Variants in ZBTB25 observed in about 807,000 individuals in gnomAD.
ZBTB25 encodes the protein zinc finger and BTB domain-containing protein 25.
A neutral mutation model predicts 34.2 loss-of-function variants in ZBTB25; 20 were observed. That is an observed-to-expected ratio of 0.58 (90% CI 0.41 to 0.85). The LOEUF (loss-of-function observed/expected upper bound fraction) is 0.85, where lower values mean the gene tolerates loss of function less well. ZBTB25 is among the 40% of genes least tolerant of loss of function. The pLI, the probability that ZBTB25 is intolerant of heterozygous loss-of-function variation, is 0.00. For synonymous variants in ZBTB25, 175 were observed against 186.4 expected, an observed-to-expected ratio of 0.94 and a Z score of 0.50; for missense variants, 437 against 521.8, an observed-to-expected ratio of 0.84 and a Z score of 1.58.
rs553810622 is a variant in ZBTB25 at position 64,486,694 on chromosome 14, T to C, written c.*229A>G. On this transcript the variant is annotated 3_prime_UTR_variant, in exon 3 of 3. Coordinates refer to ENST00000608382, the MANE Select transcript of ZBTB25 (RefSeq NM_006977.5). ...TCTACATTGATTTCTGATTTCTAAA[T>C]TGTTATTTCGTTTGTGAAAAGTTCA... The C allele has an allele frequency of 8.5e-7, 1 of 1,174,856 alleles. No homozygotes were observed. The highest frequency in any genetic ancestry group is 1.6e-5 in the African/African-American group (1 of 63,342). The allele number at this position is 1,174,856 out of a possible 1,614,324, so 72.8% of individuals were successfully genotyped here.
chr14:64,487,624 T>C lies in ZBTB25; in HGVS notation c.607A>G (p.Ile203Val). Residue 203 changes from isoleucine to valine, a missense_variant, in exon 3 of 3, where the codon ATC (isoleucine) becomes GTC (valine). Ile to Val is a conservative substitution (Grantham distance 29). Transcript: ENST00000608382. ...TCTGGGTCACATCTCTCCTGCTTGA[T>C]GGAAACTGGGGGCTTCTGGTGCTCC... ...LEEHQKPPVS[I>V]KQERCDPESV... 6.2e-7 allele frequency: 1 copy of C among 1,606,036 alleles called. No individual in the cohort carries two copies. The highest frequency in any genetic ancestry group is 8.5e-7 in the Non-Finnish European group (1 of 1,176,046).
At chr14:64,489,697 G>A (rs1566604035) in intron 2 of ZBTB25, among the ~76,000 whole-genome samples, 2 of 151,296 alleles carry the variant, frequency 1.3e-5, no homozygotes, top group Non-Finnish European at 3.0e-5. Context: ...CACCATGCCT[G>A]GCTAATTTTT....
At chr14:64,475,311 T>C (rs1382419112), downstream of ZBTB25, among the ~76,000 whole-genome samples, 2 of 151,908 alleles carry the variant, frequency 1.3e-5, no homozygotes, top group Admixed American at 6.6e-5. Context: ...TGGTGGCGGG[T>C]GCCTGTAGTC....
chr14:64,463,280 C>T (rs2140998867), intron 2 of ZBTB25: 1 of 137,306 alleles, frequency 7.3e-6, no homozygotes, highest in East Asian at 2.5e-4. Flanking sequence ...GAGTTCTAGT[C>T]ATATCCTAAA....
chr14:64,502,589 A>C lies in ZBTB25; in HGVS notation c.-8+1072T>G, dbSNP rs1038065326. 4.1e-6 allele frequency: 4 copies of C among 974,814 alleles called. No individual in the cohort carries two copies. The African/African-American group carries it at 7.0e-5, about 17-fold the overall frequency. 60.4% of individuals were successfully genotyped at this position (974,814 alleles called of 1,614,324 possible). A position where few individuals can be genotyped will look rare whatever the true frequency, so the allele number is the denominator to read the frequency against. ...CCTACCTCACCTAGAAATACCATCAAACCCACACAGTGGCCATGCCTGACT... is the reference window on the plus strand; with the variant it reads ...CCTACCTCACCTAGAAATACCATCACACCCACACAGTGGCCATGCCTGACT... On this transcript the variant is annotated intron_variant, in intron 1 of 2. Coordinates refer to ENST00000608382, the MANE Select transcript of ZBTB25 (RefSeq NM_006977.5).
intron 2 of ZBTB25, chr14:64,469,728 T>C: frequency 7.7e-7 from 1 of 1,292,748 alleles, no homozygotes; most frequent in Admixed American, 2.5e-5. Flanking sequence ...GAAGAATTCT[T>C]TTATACATTT....
intron 2 of ZBTB25, among the ~76,000 whole-genome samples, chr14:64,456,759 G>A (rs1166369458): frequency 6.6e-6 from 1 of 152,188 alleles, no homozygotes; most frequent in Non-Finnish European, 1.5e-5. Flanking sequence ...TCCCTATAAT[G>A]TGTTTTGGGG....
chr14:64,468,325 C>T, intron 2 of ZBTB25: 1 of 1,418,126 alleles, frequency 7.1e-7, no homozygotes, highest in Non-Finnish European at 9.4e-7. Context: ...TTTTGCTCAT[C>T]TTTTTGTCAC....
At chr14:64,494,144 G>A (rs2079184194) in intron 1 of ZBTB25, among the ~76,000 whole-genome samples, 1 of 152,172 alleles carries the variant, frequency 6.6e-6, no homozygotes, top group South Asian at 2.1e-4. Context: ...GGAGAAAAAA[G>A]AAAACATCGT....
intron 2 of ZBTB25, chr14:64,458,518 C>T (rs997938759): frequency 2.2e-5 from 13 of 578,454 alleles, no homozygotes; most frequent in Non-Finnish European, 4.0e-5. Context: ...TTGGAAGAAG[C>T]GCAGCATGGC....
chr14:64,453,795 C>A, intron 2 of ZBTB25: 1 of 1,612,950 alleles, frequency 6.2e-7, no homozygotes, highest in South Asian at 1.1e-5. Context: ...CACAGAAGAT[C>A]TATGGAGCAG....
At chr14:64,449,772 G>A in intron 2 of ZBTB25, 1 of 884,778 alleles carries the variant, frequency 1.1e-6, no homozygotes, top group East Asian at 2.6e-5. Context: ...CCACAGCCTG[G>A]ACTCCCAGCT....
chr14:64,503,649 C>T lies in ZBTB25; in HGVS notation c.-8+12G>A. The T allele has an allele frequency of 4.1e-6, 4 of 981,270 alleles. No individual in the cohort carries two copies. The highest frequency in any genetic ancestry group is 4.8e-6 in the Non-Finnish European group (4 of 826,222). The allele number at this position is 981,270 out of a possible 1,614,324, so 60.8% of individuals were successfully genotyped here. On this transcript the variant is annotated intron_variant, in intron 1 of 2. Coordinates refer to ENST00000608382, the MANE Select transcript of ZBTB25 (RefSeq NM_006977.5). ...CCGGGGCAGCCCACAGGGGCAGGAC[C>T]GCGTCGCTTACCCAGATGCCGCCGC...
chr14:64,473,545 C>T (rs1489830794), downstream of ZBTB25: 1 of 167,016 alleles, frequency 6.0e-6, no homozygotes, highest in Non-Finnish European at 1.5e-5. Flanking sequence ...TTAACTTCAT[C>T]CATACATTTC....
At chr14:64,468,002 T>G (rs1179929755) in intron 2 of ZBTB25, 1 of 155,604 alleles carries the variant, frequency 6.4e-6, no homozygotes, top group African/African-American at 2.4e-5. Flanking sequence ...ATGTTTATTC[T>G]CCAGTCATTT....
chr14:64,458,706 G>A, intron 2 of ZBTB25: 1 of 257,510 alleles, frequency 3.9e-6, no homozygotes, highest in Non-Finnish European at 7.6e-6. Flanking sequence ...GTAGTTAGAA[G>A]GCAAGAATTA....
chr14:64,502,796 C>G, intron 1 of ZBTB25: 3 of 959,058 alleles, frequency 3.1e-6, no homozygotes, highest in Non-Finnish European at 2.5e-6. Flanking sequence ...ACATCACGCT[C>G]TTCAGGCCTG....
intron 2 of ZBTB25, chr14:64,459,855 AG>A (rs1388437359): frequency 1.8e-5 from 28 of 1,536,030 alleles, no homozygotes; most frequent in Admixed American, 3.9e-5. Flanking sequence ...AAGAGAAGTC[AG>A]CCCCTGCCCA....
chr14:64,479,623 T>TA lies in ZBTB25; in HGVS notation c.*7299dup, dbSNP rs1566592404. 1 of 152,254 alleles carries TA rather than the reference T, an allele frequency of 6.6e-6. No individual in the cohort carries two copies. The highest frequency in any genetic ancestry group is 1.5e-5 in the Non-Finnish European group (1 of 68,008). The allele number at this position is 152,254 out of a possible 1,614,324, so 9.4% of individuals were successfully genotyped here. A position where few individuals can be genotyped will look rare whatever the true frequency, so the allele number is the denominator to read the frequency against. On this transcript the variant is annotated 3_prime_UTR_variant, in exon 3 of 3. Transcript: ENST00000608382. ...CCATCAGTTGAAGGCCAGAATATAA[T>TA]AAAAAAAGAGACTTTCTCTGGCCTG...
Sources: allele counts gnomAD v4.1 joint callset (sites outside exome capture counted in the v4.1 genomes callset), GRCh38; gene constraint gnomAD v4.1.1; transcripts MANE v1.5; gene names NCBI Gene and HGNC (gene_info 2026-07-23, HGNC 2026-07-21).